Variants in UNC13C observed in about 807,000 individuals in gnomAD.
UNC13C encodes protein unc-13 homolog C.
A neutral mutation model predicts 245.4 loss-of-function variants in UNC13C; 174 were observed. That is an observed-to-expected ratio of 0.71 (90% CI 0.63 to 0.80). UNC13C has a LOEUF of 0.80. Ranked by LOEUF, UNC13C falls within the 30% of genes least tolerant of loss-of-function variation. The pLI, the probability that UNC13C is intolerant of heterozygous loss-of-function variation, is 0.00. For synonymous variants in UNC13C, 992 were observed against 895.1 expected (o/e 1.11, Z -1.93); for missense variants, 2,829 against 2,602.9 (o/e 1.09, Z -1.89).
chr15:53,938,447 CATTGAGACAGAAA>C, the UNC13C span, among the ~76,000 whole-genome samples: 2 of 152,134 alleles, frequency 1.3e-5, no homozygotes, highest in Non-Finnish European at 2.9e-5. Context: ...CTAGACAGAT[CATTGAGACAGAAA>C]ATTAACGAAG....
chr15:53,943,354 CACTT>C, the UNC13C span, among the ~76,000 whole-genome samples: 95 of 152,282 alleles, frequency 6.2e-4, no homozygotes, highest in Non-Finnish European at 1.0e-3. Context: ...ACAAATTGAC[CACTT>C]ACTTTTTCTC....
chr15:53,993,017 G>A (rs748751364), intron 1 of UNC13C, among the ~76,000 whole-genome samples: 3 of 151,932 alleles, frequency 2.0e-5, no homozygotes, highest in Admixed American at 6.6e-5. Flanking sequence ...AATACACCAC[G>A]GACTATCCAT....
intron 4 of UNC13C, among the ~76,000 whole-genome samples, chr15:54,211,573 C>T (rs1304454152): frequency 6.6e-6 from 1 of 152,048 alleles, no homozygotes; most frequent in Non-Finnish European, 1.5e-5. Flanking sequence ...ACAGTTTGCT[C>T]TTCATCTAGA....
chr15:54,007,190 G>A (rs1353705135), intron 1 of UNC13C, among the ~76,000 whole-genome samples: 1 of 152,170 alleles, frequency 6.6e-6, no homozygotes, highest in Non-Finnish European at 1.5e-5. Context: ...CTATGTTCTT[G>A]TAGGAAAATA....
chr15:54,579,374 G>A (rs921890484), intron 30 of UNC13C, among the ~76,000 whole-genome samples: 2 of 152,012 alleles, frequency 1.3e-5, no homozygotes, highest in Non-Finnish European at 2.9e-5. Context: ...TAGTTTAATT[G>A]ATTGCCAAGG....
the UNC13C span, among the ~76,000 whole-genome samples, chr15:53,874,940 A>C: frequency 2.6e-5 from 4 of 152,112 alleles, no homozygotes; most frequent in Admixed American, 6.6e-5. Flanking sequence ...CTAAAAATAC[A>C]AAAATTAGCC....
chr15:53,891,792 G>T, the UNC13C span, among the ~76,000 whole-genome samples: 1 of 152,144 alleles, frequency 6.6e-6, no homozygotes, highest in Non-Finnish European at 1.5e-5. Flanking sequence ...ACAGCACACC[G>T]ATGGGTCTTG....
intron 2 of UNC13C, among the ~76,000 whole-genome samples, chr15:54,052,782 G>T (rs1897327170): frequency 6.6e-6 from 1 of 152,104 alleles, no homozygotes; most frequent in South Asian, 2.1e-4. Flanking sequence ...TAGTTAGTTT[G>T]CTTTCACTTG....
intron 22 of UNC13C, among the ~76,000 whole-genome samples, chr15:54,503,050 C>T (rs1894299215): frequency 6.6e-6 from 1 of 151,212 alleles, no homozygotes; most frequent in African/African-American, 2.4e-5. Flanking sequence ...GAATCACACT[C>T]AGGAAAATAC....
At chr15:54,151,967 C>T (rs1322660510) in intron 4 of UNC13C, among the ~76,000 whole-genome samples, 1 of 152,160 alleles carries the variant, frequency 6.6e-6, no homozygotes, top group Non-Finnish European at 1.5e-5. Context: ...ACTAACTCGA[C>T]CTCATAATAT....
chr15:54,415,830 G>C (rs1407127731), intron 19 of UNC13C, among the ~76,000 whole-genome samples: 1 of 152,196 alleles, frequency 6.6e-6, no homozygotes, highest in Non-Finnish European at 1.5e-5. Flanking sequence ...GCAATGTGGA[G>C]TGGTGAGGAC....
At chr15:53,896,314 T>G in the UNC13C span, among the ~76,000 whole-genome samples, 31 of 152,200 alleles carry the variant, frequency 2.0e-4, no homozygotes, top group Admixed American at 2.0e-3. Flanking sequence ...AGGCAAGATC[T>G]AATAATGAAT....
chr15:54,546,660 G>A, intron 26 of UNC13C, 62 bp from the exon 27 acceptor site: 3 of 1,040,068 alleles, frequency 2.9e-6, no homozygotes, highest in Non-Finnish European at 2.6e-6. Flanking sequence ...AATCGTAAAG[G>A]CCTAAATTGA....
Position 54,437,657 on chromosome 15 carries a change from CAGTT to C in UNC13C, c.4933+22594_4933+22597del, listed in dbSNP as rs534068216. On this transcript the variant is annotated intron_variant, in intron 19 of 32. Transcript: ENST00000260323. ...CACTTAAGGCATATCAGAGAGTAGT[CAGTT>C]AGTCCAGTTCTGATCGATTGCAAAC... Among the ~76,000 whole-genome samples the C allele has an allele frequency of 2.6e-3, 399 of 151,974 alleles. 3 individuals are homozygous for C. Among genetic ancestry groups the C allele is most frequent in the African/African-American group, 8.9e-3 (370 of 41,510 alleles).
chr15:54,598,679 A>G (rs967602608), intron 30 of UNC13C, among the ~76,000 whole-genome samples: 5 of 150,678 alleles, frequency 3.3e-5, no homozygotes, highest in Non-Finnish European at 3.0e-5. Context: ...ATTTGATGAT[A>G]TAACTTTTAC....
chr15:54,186,472 T>C (rs908015154), intron 4 of UNC13C, among the ~76,000 whole-genome samples: 3 of 152,296 alleles, frequency 2.0e-5, no homozygotes, highest in East Asian at 3.9e-4. Context: ...ATGTAATCAA[T>C]TGGTATATCA....
intron 13 of UNC13C, among the ~76,000 whole-genome samples, chr15:54,306,652 C>T (rs1386799001): frequency 6.6e-6 from 1 of 151,910 alleles, no homozygotes; most frequent in Non-Finnish European, 1.5e-5. Context: ...AATACATTTT[C>T]TTGAGTGTTT....
At chr15:54,133,771 A>C (rs186209684) in intron 2 of UNC13C, among the ~76,000 whole-genome samples, 16 of 152,250 alleles carry the variant, frequency 1.1e-4, no homozygotes, top group African/African-American at 3.9e-4. Context: ...TATTTACTAT[A>C]TCTATCTATA....
At chr15:54,068,342 G>C (rs1595802013) in intron 2 of UNC13C, among the ~76,000 whole-genome samples, 1 of 152,174 alleles carries the variant, frequency 6.6e-6, no homozygotes. Context: ...AAGAACGGCT[G>C]CAGCTAGAAC....
Sources: allele counts gnomAD v4.1 joint callset (sites outside exome capture counted in the v4.1 genomes callset), GRCh38; gene constraint gnomAD v4.1.1; transcripts MANE v1.5; gene names NCBI Gene and HGNC (gene_info 2026-07-23, HGNC 2026-07-21).